The following PKHD1 variants were observed in gnomAD, a reference collection of about 807,000 sequenced individuals.
PKHD1 encodes PKHD1 ciliary IPT domain containing fibrocystin/polyductin.
PKHD1 carries 291 observed loss-of-function variants against 412.0 expected under a neutral mutation model. The observed-to-expected ratio is 0.71, with a 90% CI of 0.64 to 0.78. PKHD1 has a LOEUF of 0.78. PKHD1 is among the 30% of genes least tolerant of loss of function. The pLI, the probability that PKHD1 is intolerant of heterozygous loss-of-function variation, is 0.00. For synonymous variants in PKHD1, 1,777 were observed against 1,821.5 expected (o/e 0.98, Z 0.62); for missense variants, 4,825 against 4,950.7 (o/e 0.97, Z 0.76).
rs1026175211 is a variant in PKHD1 at position 52,057,902 on chromosome 6, G to A, written c.1512+421C>T. On this transcript the variant is annotated intron_variant, in intron 16 of 66. Coordinates refer to ENST00000371117, the MANE Select transcript of PKHD1 (RefSeq NM_138694.4). ...TTCAAAGAAAATATGGGGCACAGCT[G>A]AGAGACCCAAAGGACATGACCTTTT... is the stretch of plus-strand genomic sequence containing the variant. Among the ~76,000 whole-genome samples, 2 of 152,228 alleles carry A rather than the reference G, an allele frequency of 1.3e-5. 1 individual carries two copies. Among genetic ancestry groups the A allele is most frequent in the Admixed American group, 1.3e-4 (2 of 15,286 alleles).
At chr6:52,077,964 G>T (rs1811553214) in intron 5 of PKHD1, among the ~76,000 whole-genome samples, 1 of 151,740 alleles carries the variant, frequency 6.6e-6, no homozygotes, top group East Asian at 1.9e-4. Context: ...TACAGTAGTG[G>T]TTATTGACCT....
chr6:52,057,085 T>C (rs1807876814), intron 16 of PKHD1, 106 bp from the exon 17 acceptor site: 1 of 778,438 alleles, frequency 1.3e-6, no homozygotes, highest in African/African-American at 1.7e-5. Flanking sequence ...TCCTTTTTAT[T>C]ATAATTTTAA....
At chr6:51,660,384 C>T (rs996658746) in intron 60 of PKHD1, among the ~76,000 whole-genome samples, 2 of 152,066 alleles carry the variant, frequency 1.3e-5, no homozygotes, top group African/African-American at 2.4e-5. Flanking sequence ...TTTCACCACA[C>T]CAGCAACCAA....
At chr6:51,692,347 G>A (rs1778275930) in intron 60 of PKHD1, among the ~76,000 whole-genome samples, 1 of 151,526 alleles carries the variant, frequency 6.6e-6, no homozygotes, top group South Asian at 2.1e-4. Context: ...AACCTTAATT[G>A]AGCCTTCAGT....
At chr6:51,687,389 A>C (rs947178292) in intron 60 of PKHD1, among the ~76,000 whole-genome samples, 11 of 152,214 alleles carry the variant, frequency 7.2e-5, no homozygotes, top group Admixed American at 5.9e-4. Flanking sequence ...TGTATCAGCT[A>C]TATTGTATGC....
At chr6:51,894,179 C>A (rs1334887347) in intron 43 of PKHD1, among the ~76,000 whole-genome samples, 1 of 152,188 alleles carries the variant, frequency 6.6e-6, no homozygotes, top group East Asian at 1.9e-4. Context: ...TGAGGGAAGA[C>A]AGCCTGAGGG....
chr6:51,695,016 A>T (rs927036702), intron 60 of PKHD1, among the ~76,000 whole-genome samples: 27 of 152,194 alleles, frequency 1.8e-4, no homozygotes, highest in African/African-American at 5.8e-4. Flanking sequence ...ATGTTGCCAA[A>T]ATTTTAAAAC....
intron 49 of PKHD1, among the ~76,000 whole-genome samples, chr6:51,849,530 G>C (rs572725843): frequency 6.6e-6 from 1 of 152,092 alleles, no homozygotes; most frequent in Non-Finnish European, 1.5e-5. Flanking sequence ...AAGCGTTCCT[G>C]TTTCTCCACA....
intron 60 of PKHD1, among the ~76,000 whole-genome samples, chr6:51,732,440 A>C (rs1199367798): frequency 6.6e-6 from 1 of 152,212 alleles, no homozygotes; most frequent in Non-Finnish European, 1.5e-5. Context: ...AAGATTCAAC[A>C]ATAACAAAAA....
intron 24 of PKHD1, among the ~76,000 whole-genome samples, chr6:52,045,401 T>C (rs758672624): frequency 6.6e-6 from 1 of 152,160 alleles, no homozygotes; most frequent in African/African-American, 2.4e-5. Flanking sequence ...ATCCAAAATA[T>C]TAAAATAAAG....
rs375434510 is a variant in PKHD1 at position 51,909,271 on chromosome 6, G to A, written c.6682+12C>T. 4.0e-5 allele frequency: 65 copies of A among 1,607,018 alleles called. No homozygotes were observed. Among genetic ancestry groups the A allele is most frequent in the Admixed American group, 6.7e-5 (4 of 59,886 alleles). On this transcript the variant is annotated intron_variant, in intron 40 of 66. Transcript: ENST00000371117. ...AGAAACATGAGAAAGTCCTAGGTCCGGACCCCCTTACCTCTCATAGCTCCC... is the reference window on the plus strand; with the variant it reads ...AGAAACATGAGAAAGTCCTAGGTCCAGACCCCCTTACCTCTCATAGCTCCC...
intron 62 of PKHD1, 111 bp from the exon 63 acceptor site, chr6:51,648,229 T>C: frequency 1.5e-6 from 1 of 685,940 alleles, no homozygotes. Context: ...ATATATTCAG[T>C]AGAAATAAAG....
At position 51,619,063 on chromosome 6, in the gene PKHD1, T is replaced by G. The variant is rs368932817; in HGVS notation, c.*18A>C. ...GGAACATTCTGCCTTTCAGGCCAAA[T>G]GCCCCCAACTTCCCTGATCACAGTT... On this transcript the variant is annotated 3_prime_UTR_variant, in exon 67 of 67. Coordinates refer to ENST00000371117, the MANE Select transcript of PKHD1 (RefSeq NM_138694.4). The G allele has an allele frequency of 5.5e-5, 89 of 1,612,188 alleles. No homozygotes were observed. The highest frequency in any genetic ancestry group is 7.2e-5 in the Non-Finnish European group (85 of 1,178,456).
chr6:51,709,456 T>A (rs148840612), intron 60 of PKHD1, among the ~76,000 whole-genome samples: 1 of 152,316 alleles, frequency 6.6e-6, no homozygotes, highest in East Asian at 1.9e-4. Context: ...CAAGAGTATC[T>A]CACTTCGGAG....
chr6:52,009,076 C>T (rs1287627213), intron 35 of PKHD1, among the ~76,000 whole-genome samples: 3 of 152,086 alleles, frequency 2.0e-5, no homozygotes, highest in Non-Finnish European at 4.4e-5. Context: ...GAGAAACAGG[C>T]GCAGAATAAA....
At chr6:51,954,785 C>T (rs1424768266) in intron 36 of PKHD1, among the ~76,000 whole-genome samples, 1 of 152,044 alleles carries the variant, frequency 6.6e-6, no homozygotes, top group East Asian at 1.9e-4. Context: ...AACAGCTCAA[C>T]ACCAAGGAGA....
chr6:51,643,890 C>T (rs1294442012), intron 63 of PKHD1, among the ~76,000 whole-genome samples: 1 of 151,456 alleles, frequency 6.6e-6, no homozygotes, highest in Non-Finnish European at 1.5e-5. Flanking sequence ...GTGTGTTGTT[C>T]CCTGTGTCCA....
At chr6:51,824,472 C>A (rs1766988030) in intron 52 of PKHD1, among the ~76,000 whole-genome samples, 1 of 152,060 alleles carries the variant, frequency 6.6e-6, no homozygotes, top group Admixed American at 6.6e-5. Context: ...ACTTTGACAT[C>A]CTTAAAGCAA....
intron 53 of PKHD1, among the ~76,000 whole-genome samples, chr6:51,784,569 C>G (rs1041040541): frequency 6.6e-5 from 10 of 152,134 alleles, no homozygotes; most frequent in African/African-American, 2.4e-4. Flanking sequence ...ATTTATGAAG[C>G]TAATTTCTGT....
Sources: gnomAD v4.1 joint callset for allele counts (sites outside exome capture counted in the v4.1 genomes callset) on GRCh38, gnomAD v4.1.1 for gene constraint, MANE v1.5 for transcripts, NCBI Gene and HGNC (gene_info 2026-07-23, HGNC 2026-07-21) for gene names.